The following COL28A1 variants were observed in gnomAD, a reference collection of about 807,000 sequenced individuals.
COL28A1 encodes collagen type XXVIII alpha 1 chain, also known as collagen alpha-1(XXVIII) chain.
In COL28A1, 161 loss-of-function variants were observed where a neutral mutation model predicts 150.2. The ratio of observed to expected loss-of-function variants is 1.07; its 90% CI spans 0.94 to 1.22. The LOEUF (loss-of-function observed/expected upper bound fraction) is 1.22. Among genes scored for constraint, COL28A1 ranks in the 50% most tolerant of loss-of-function variants. The pLI, the probability that COL28A1 is intolerant of heterozygous loss-of-function variation, is 0.00. For missense variants in COL28A1, 1,617 were observed against 1,388.3 expected (o/e 1.16, Z -2.62); for synonymous variants, 552 against 469.7 (o/e 1.18, Z -2.26).
intron 11 of COL28A1, among the ~76,000 whole-genome samples, chr7:7,500,095 T>C (rs142791364): frequency 1.9e-4 from 29 of 152,346 alleles, no homozygotes; most frequent in African/African-American, 6.7e-4. Flanking sequence ...TACCCAACTA[T>C]GTTAGAAGAA....
chr7:7,491,329 GA>G (rs1369347547), intron 11 of COL28A1, among the ~76,000 whole-genome samples: 1 of 152,194 alleles, frequency 6.6e-6, no homozygotes, highest in Admixed American at 6.5e-5. Context: ...ATGCAAAGGA[GA>G]AAACTGCCTC....
chr7:7,399,950 C>G (rs1783074059), intron 27 of COL28A1, among the ~76,000 whole-genome samples: 1 of 152,222 alleles, frequency 6.6e-6, no homozygotes, highest in African/African-American at 2.4e-5. Context: ...GCCACAGCTG[C>G]TACAATAGCA....
chr7:7,355,220 C>G (rs1780319665), downstream of COL28A1, among the ~76,000 whole-genome samples: 1 of 152,140 alleles, frequency 6.6e-6, no homozygotes, highest in South Asian at 2.1e-4. Context: ...ACAAACAATC[C>G]AATAAAGAAA....
intron 33 of COL28A1, among the ~76,000 whole-genome samples, chr7:7,366,551 C>G (rs1406681646): frequency 1.3e-5 from 2 of 152,144 alleles, no homozygotes; most frequent in African/African-American, 4.8e-5. Flanking sequence ...AATACTTGTA[C>G]AGCAACCTTT....
At chr7:7,489,144 A>C (rs1033488798) in intron 13 of COL28A1, among the ~76,000 whole-genome samples, 4 of 152,116 alleles carry the variant, frequency 2.6e-5, no homozygotes, top group African/African-American at 7.2e-5. Context: ...GGTGACGTGC[A>C]CTTGTAGTCC....
chr7:7,428,677 G>C (rs528536756), intron 25 of COL28A1, among the ~76,000 whole-genome samples: 1 of 152,238 alleles, frequency 6.6e-6, no homozygotes, highest in African/African-American at 2.4e-5. Context: ...CAACGAGCCA[G>C]GAGATTGGAT....
Position 7,443,591 on chromosome 7 carries a change from G to T in COL28A1, c.1644C>A (p.Gly548=). The change falls in exon 20 of 35, where the codon GGC becomes GGA. Residue 548 remains glycine (G), a synonymous_variant. Transcript: ENST00000399429. ...AACACTGTCATTTCCATACCTTGGG[G>T]CCAGGCTGTCCTTTTCCAGGTGGTC... ...PEGPPGKGQP[G]PKGDEGKKGS... The T allele has an allele frequency of 6.2e-7, 1 of 1,614,034 alleles. No individual in the cohort carries two copies. Among genetic ancestry groups the T allele is most frequent in the Non-Finnish European group, 8.5e-7 (1 of 1,180,002 alleles).
chr7:7,374,054 T>TATATA (rs1554260711), intron 31 of COL28A1, among the ~76,000 whole-genome samples: 186 of 142,518 alleles, frequency 1.3e-3, no homozygotes, highest in African/African-American at 4.9e-3. Context: ...TATATATATA[T>TATATA]ATATATACTT....
At chr7:7,431,869 T>C (rs566619330) in intron 25 of COL28A1, among the ~76,000 whole-genome samples, 1 of 152,218 alleles carries the variant, frequency 6.6e-6, no homozygotes, top group Middle Eastern at 3.4e-3. Context: ...ATTTTGGCGG[T>C]AGCATTGACA....
chr7:7,445,075 G>T (rs1174411785), intron 18 of COL28A1, among the ~76,000 whole-genome samples: 2 of 152,152 alleles, frequency 1.3e-5, no homozygotes, highest in African/African-American at 4.8e-5. Context: ...TGCCAGGATT[G>T]TAAGTTTCCT....
chr7:7,436,404 T>G lies in COL28A1; in HGVS notation c.1851A>C (p.Arg617=), dbSNP rs1402823178. 1 of 1,367,768 alleles carries G rather than the reference T, an allele frequency of 7.3e-7. No individual in the cohort carries two copies. Among genetic ancestry groups the G allele is most frequent in the Non-Finnish European group, 1.0e-6 (1 of 954,988 alleles). The allele number at this position is 1,367,768 out of a possible 1,614,324, so 84.7% of individuals were successfully genotyped here. A position where few individuals can be genotyped will look rare whatever the true frequency, so the allele number is the denominator to read the frequency against. ...CATGAATAAAGCATACCTTTGGTCCTCGAATAGAAAGTCCAGGTTCTCCCT... is the reference window on the plus strand; with the variant it reads ...CATGAATAAAGCATACCTTTGGTCCGCGAATAGAAAGTCCAGGTTCTCCCT... ...GFKGEPGLSI[R]GPKGVQGPRG... is the part of the protein sequence containing the mutation. The change falls in exon 23 of 35, where the codon CGA becomes CGC. Residue 617 remains arginine, a synonymous_variant. Coordinates refer to ENST00000399429, the MANE Select transcript of COL28A1 (RefSeq NM_001037763.3).
intron 23 of COL28A1, among the ~76,000 whole-genome samples, chr7:7,436,036 G>C (rs998133775): frequency 6.6e-6 from 1 of 152,148 alleles, no homozygotes; most frequent in Non-Finnish European, 1.5e-5. Flanking sequence ...ATTCAGCAAA[G>C]CTTCCAAGCA....
chr7:7,378,630 G>A (rs1361456453), intron 30 of COL28A1, among the ~76,000 whole-genome samples: 3 of 152,172 alleles, frequency 2.0e-5, no homozygotes, highest in African/African-American at 7.2e-5. Context: ...GAGGAAAGAG[G>A]CCTTCTGAGA....
chr7:7,347,737 C>T, the COL28A1 span, among the ~76,000 whole-genome samples: 1 of 152,054 alleles, frequency 6.6e-6, no homozygotes, highest in Non-Finnish European at 1.5e-5. Flanking sequence ...ACAGAGGAAA[C>T]AGCAGGTACA....
chr7:7,401,304 C>T (rs1210711172), intron 27 of COL28A1, among the ~76,000 whole-genome samples: 1 of 152,062 alleles, frequency 6.6e-6, no homozygotes, highest in Non-Finnish European at 1.5e-5. Context: ...TCACTCTCCA[C>T]ACGTCCTCAT....
intron 23 of COL28A1, among the ~76,000 whole-genome samples, chr7:7,435,702 AG>A (rs1270864531): frequency 1.3e-5 from 2 of 152,216 alleles, no homozygotes; most frequent in Non-Finnish European, 2.9e-5. Flanking sequence ...TCATCAGTTT[AG>A]TACTTGAACC....
intron 3 of COL28A1, among the ~76,000 whole-genome samples, chr7:7,528,649 T>A (rs1490919675): frequency 2.0e-5 from 3 of 152,186 alleles, no homozygotes; most frequent in African/African-American, 7.2e-5. Context: ...ACAAAAATAA[T>A]ACATACTATT....
intron 33 of COL28A1, among the ~76,000 whole-genome samples, chr7:7,363,682 T>C (rs931223302): frequency 6.6e-6 from 1 of 152,074 alleles, no homozygotes; most frequent in Non-Finnish European, 1.5e-5. Context: ...CATTTTTTTG[T>C]TGTTGTTGTT....
At chr7:7,344,364 A>C in the COL28A1 span, among the ~76,000 whole-genome samples, 2 of 151,930 alleles carry the variant, frequency 1.3e-5, no homozygotes, top group Non-Finnish European at 2.9e-5. Context: ...TTAGTGTGCC[A>C]GGGTAATCCT....
Sources: allele counts gnomAD v4.1 joint callset (sites outside exome capture counted in the v4.1 genomes callset), GRCh38; gene constraint gnomAD v4.1.1; transcripts MANE v1.5; gene names NCBI Gene and HGNC (gene_info 2026-07-23, HGNC 2026-07-21).